The following LTBP1 variants were observed in gnomAD, a reference collection of about 807,000 sequenced individuals.
The protein encoded by LTBP1 is latent transforming growth factor beta binding protein 1.
LTBP1 carries 129 observed loss-of-function variants against 207.6 expected under a neutral mutation model. The ratio of observed to expected loss-of-function variants is 0.62; its 90% confidence interval spans 0.54 to 0.72. The LOEUF (loss-of-function observed/expected upper bound fraction) is 0.72. LTBP1 is among the 30% of genes least tolerant of loss of function. The probability of loss-of-function intolerance (pLI) is 0.00; values close to 1 mark genes in which losing one functional copy is unlikely to be tolerated. For missense variants in LTBP1, 2,281 were observed against 2,217.2 expected (o/e 1.03, Z -0.58); for synonymous variants, 963 against 833.7 (o/e 1.16, Z -2.67).
Position 33,365,343 on chromosome 2 carries a change from A to G in LTBP1, c.4551A>G (p.Glu1517=). The change falls in exon 31 of 34, where the codon GAA becomes GAG. Residue 1517 remains glutamate, a synonymous_variant. Coordinates refer to ENST00000404816, the MANE Select transcript of LTBP1 (RefSeq NM_206943.4). ...IRPAESNEQI[E]ETDVYQDLCW... ...TGTCTTCCCTTTCAGAACAAATAGA[A>G]GAAACTGATGTCTACCAAGATTTGT... 1 of 1,614,192 alleles carries G rather than the reference A, an allele frequency of 6.2e-7. No homozygotes were observed. The highest frequency in any genetic ancestry group is 8.5e-7 in the Non-Finnish European group (1 of 1,180,012).
At chr2:33,042,943 A>G (rs1390030141) in intron 3 of LTBP1, among the ~76,000 whole-genome samples, 2 of 152,286 alleles carry the variant, frequency 1.3e-5, no homozygotes, top group South Asian at 4.1e-4. Flanking sequence ...GGGAAAAAAA[A>G]CAGCCAGGCC....
intron 3 of LTBP1, among the ~76,000 whole-genome samples, chr2:33,046,782 A>G (rs2076468414): frequency 6.6e-6 from 1 of 152,098 alleles, no homozygotes; most frequent in African/African-American, 2.4e-5. Flanking sequence ...TACCGCCTCA[A>G]TTTCAGAACT....
intron 5 of LTBP1, among the ~76,000 whole-genome samples, chr2:33,151,439 AG>A (rs2083513367): frequency 6.6e-6 from 1 of 151,568 alleles, no homozygotes; most frequent in South Asian, 2.1e-4. Context: ...ATTGTGCTTC[AG>A]CTTACCCTTT....
chr2:33,055,135 T>C (rs1054185490), intron 3 of LTBP1, among the ~76,000 whole-genome samples: 1 of 152,182 alleles, frequency 6.6e-6, no homozygotes, highest in Non-Finnish European at 1.5e-5. Context: ...TCTTGGTCCT[T>C]ATTATAGAAC....
chr2:32,996,762 A>G (rs1685343862), intron 2 of LTBP1, among the ~76,000 whole-genome samples: 1 of 152,162 alleles, frequency 6.6e-6, no homozygotes, highest in Non-Finnish European at 1.5e-5. Flanking sequence ...TGTGTAGTCC[A>G]AGGTTGACTG....
chr2:33,127,235 T>G (rs1333258760), intron 4 of LTBP1, among the ~76,000 whole-genome samples: 3 of 152,180 alleles, frequency 2.0e-5, no homozygotes, highest in African/African-American at 7.2e-5. Flanking sequence ...TGACTCTTTT[T>G]TTTTCTTTTA....
intron 3 of LTBP1, among the ~76,000 whole-genome samples, chr2:33,089,003 A>G (rs2078914900): frequency 1.3e-5 from 2 of 151,866 alleles, no homozygotes; most frequent in Middle Eastern, 3.4e-3. Context: ...TAAAAATACA[A>G]AAATTAGCCA....
At chr2:33,078,837 C>G (rs1462148284) in intron 3 of LTBP1, among the ~76,000 whole-genome samples, 5 of 137,404 alleles carry the variant, frequency 3.6e-5, no homozygotes, top group East Asian at 2.2e-4. Context: ...CTTCTCTTCT[C>G]TTCTGTTTTC....
intron 2 of LTBP1, among the ~76,000 whole-genome samples, chr2:33,000,743 A>G (rs1441994421): frequency 7.5e-6 from 1 of 133,980 alleles, no homozygotes; most frequent in Admixed American, 7.7e-5. Context: ...TGCATGTTTA[A>G]TAAGTACTCT....
At chr2:33,110,407 A>G (rs942059216) in intron 3 of LTBP1, among the ~76,000 whole-genome samples, 175 bp from the exon 4 acceptor site, 2 of 152,164 alleles carry the variant, frequency 1.3e-5, no homozygotes, top group Non-Finnish European at 2.9e-5. Context: ...GTAAGCCATC[A>G]TTTACCTCCT....
chr2:33,258,040 C>T (rs911240118), intron 12 of LTBP1, among the ~76,000 whole-genome samples: 1 of 152,192 alleles, frequency 6.6e-6, no homozygotes, highest in African/African-American at 2.4e-5. Context: ...AGAGAGGGGA[C>T]ATGACTTGCC....
chr2:33,378,856 T>A (rs72802031), intron 31 of LTBP1, among the ~76,000 whole-genome samples: 1 of 152,306 alleles, frequency 6.6e-6, no homozygotes, highest in Non-Finnish European at 1.5e-5. Flanking sequence ...TATTCTCCTT[T>A]TATGCCGCAG....
intron 5 of LTBP1, among the ~76,000 whole-genome samples, chr2:33,165,224 A>C (rs1230719518): frequency 6.6e-6 from 1 of 152,194 alleles, no homozygotes; most frequent in Non-Finnish European, 1.5e-5. Flanking sequence ...GGGATTATGA[A>C]AAGAGGGAGA....
chr2:33,004,977 C>G (rs577730105), intron 2 of LTBP1, among the ~76,000 whole-genome samples: 3 of 152,014 alleles, frequency 2.0e-5, no homozygotes, highest in Admixed American at 2.0e-4. Flanking sequence ...GAGGCCTATG[C>G]TGGGTCTTCT....
At position 32,961,803 on chromosome 2, in the gene LTBP1, G is replaced by A. The variant is rs140899515; in HGVS notation, c.565+12858G>A. ...TCTACTAAAAATACAAAAATTAGCC[G>A]GGCGTGGTGGTGGGCGCCGGTAATC... On this transcript the variant is annotated intron_variant, in intron 2 of 33. Transcript: ENST00000404816. Among the ~76,000 whole-genome samples the A allele has an allele frequency of 7.8e-3, 1,180 of 152,112 alleles. 14 individuals are homozygous for A. The highest frequency in any genetic ancestry group is 0.026 in the African/African-American group (1,074 of 41,472).
intron 20 of LTBP1, among the ~76,000 whole-genome samples, chr2:33,297,290 C>T (rs2148923955): frequency 6.6e-6 from 1 of 152,272 alleles, no homozygotes; most frequent in South Asian, 2.1e-4. Context: ...TGTATTATTT[C>T]ATGCAATCCT....
At chr2:33,067,790 C>T (rs1473050496) in intron 3 of LTBP1, among the ~76,000 whole-genome samples, 2 of 152,252 alleles carry the variant, frequency 1.3e-5, no homozygotes, top group Middle Eastern at 3.4e-3. Flanking sequence ...GGTCCTGGAA[C>T]TAATCTCCCA....
intron 2 of LTBP1, among the ~76,000 whole-genome samples, chr2:32,994,830 G>C (rs1378539072): frequency 1.3e-5 from 2 of 152,158 alleles, no homozygotes; most frequent in East Asian, 1.9e-4. Flanking sequence ...AAAAATTCCA[G>C]TTCTCAGGCT....
chr2:33,213,406 G>A (rs1490146645), intron 7 of LTBP1, among the ~76,000 whole-genome samples: 4 of 152,176 alleles, frequency 2.6e-5, no homozygotes, highest in Admixed American at 6.5e-5. Flanking sequence ...CAATCTGTGC[G>A]TAAAAATATA....
Sources: gnomAD v4.1 joint callset for allele counts (sites outside exome capture counted in the v4.1 genomes callset) on GRCh38, gnomAD v4.1.1 for gene constraint, MANE v1.5 for transcripts, NCBI Gene and HGNC (gene_info 2026-07-23, HGNC 2026-07-21) for gene names.